CPA6: variants seen among roughly 807,000 people sequenced by gnomAD.
CPA6 encodes carboxypeptidase B.
CPA6 carries 58 observed loss-of-function variants against 63.3 expected under a neutral mutation model. That is an observed-to-expected ratio of 0.92 (90% confidence interval 0.74 to 1.14). The LOEUF (loss-of-function observed/expected upper bound fraction) is 1.14, where lower values mean the gene tolerates loss of function less well. Ranked by LOEUF, CPA6 falls within the 50% of genes most tolerant of loss-of-function variation. The pLI is 0.00. For missense variants in CPA6, 565 were observed against 526.6 expected, an observed-to-expected ratio of 1.07 and a Z score of -0.71; for synonymous variants, 185 against 179.0, an observed-to-expected ratio of 1.03 and a Z score of -0.27.
intron 8 of CPA6, among the ~76,000 whole-genome samples, chr8:67,436,212 G>A (rs1408114819): frequency 6.6e-6 from 1 of 152,132 alleles, no homozygotes; most frequent in Non-Finnish European, 1.5e-5. Flanking sequence ...CAGAGGCTGA[G>A]TGGACAGTCA....
chr8:67,542,473 T>C (rs377674283), intron 2 of CPA6, among the ~76,000 whole-genome samples: 27 of 152,322 alleles, frequency 1.8e-4, no homozygotes, highest in Admixed American at 1.0e-3. Flanking sequence ...CAGGTACTCA[T>C]GCAGGGATTG....
At chr8:67,508,735 T>C (rs1001792643) in intron 5 of CPA6, among the ~76,000 whole-genome samples, 2 of 151,926 alleles carry the variant, frequency 1.3e-5, no homozygotes, top group South Asian at 4.2e-4. Context: ...GTAGAGATGA[T>C]GATTAGAGGT....
At chr8:67,545,580 T>TTTTTTTTTTTTTTTTTG (rs750417027) in intron 2 of CPA6, among the ~76,000 whole-genome samples, 20 of 125,662 alleles carry the variant, frequency 1.6e-4, no homozygotes, top group Non-Finnish European at 3.0e-4. Flanking sequence ...TTTTTTTTTT[T>TTTTTTTTTTTTTTTTTG]TTTTGAGATG....
chr8:67,722,734 A>G (rs558853480), intron 1 of CPA6, among the ~76,000 whole-genome samples: 65 of 152,210 alleles, frequency 4.3e-4, no homozygotes, highest in African/African-American at 1.5e-3. Context: ...TTATTTCCTC[A>G]TCATGTGTTG....
chr8:67,500,162 A>G (rs1181720732), intron 6 of CPA6, among the ~76,000 whole-genome samples: 1 of 152,128 alleles, frequency 6.6e-6, no homozygotes, highest in African/African-American at 2.4e-5. Flanking sequence ...ATTTGTTGAT[A>G]TTTGTGATAT....
chr8:67,611,977 C>G (rs1349224915), intron 2 of CPA6, among the ~76,000 whole-genome samples: 1 of 152,186 alleles, frequency 6.6e-6, no homozygotes, highest in East Asian at 1.9e-4. Flanking sequence ...TTTATATTTT[C>G]TATCTTATGT....
chr8:67,714,255 G>A (rs1817332372), intron 1 of CPA6, among the ~76,000 whole-genome samples: 1 of 152,208 alleles, frequency 6.6e-6, no homozygotes, highest in South Asian at 2.1e-4. Context: ...ACTGGGGTAT[G>A]AGGGATACTC....
intron 8 of CPA6, among the ~76,000 whole-genome samples, chr8:67,435,360 T>C (rs1232142392): frequency 4.6e-5 from 7 of 151,950 alleles, no homozygotes; most frequent in African/African-American, 1.7e-4. Flanking sequence ...TTGGACTTTT[T>C]CTCGCCATCC....
chr8:67,622,965 T>A lies in CPA6; in HGVS notation c.192+1211A>T, dbSNP rs1486555057. Among the ~76,000 whole-genome samples the A allele has an allele frequency of 3.3e-5, 5 of 152,286 alleles. No individual in the cohort carries two copies. The East Asian group carries it at 7.7e-4, about 23-fold the overall frequency. ...GTAACTTTTAGGTAAAAACTAACAC[T>A]CAATTGTATGCACTGATGGAGTTAC... On this transcript the variant is annotated intron_variant, in intron 2 of 10. Transcript: ENST00000297770.
chr8:67,723,460 C>T (rs530698863), intron 1 of CPA6, among the ~76,000 whole-genome samples: 19 of 152,132 alleles, frequency 1.2e-4, no homozygotes, highest in South Asian at 2.1e-4. Flanking sequence ...AGCCACCGTG[C>T]GTGGCGGAGG....
intron 1 of CPA6, among the ~76,000 whole-genome samples, chr8:67,638,822 T>C (rs1426303858): frequency 6.6e-6 from 1 of 151,520 alleles, no homozygotes; most frequent in Non-Finnish European, 1.5e-5. Context: ...TCCTTGCAGA[T>C]GTTGTTTGTG....
intron 1 of CPA6, among the ~76,000 whole-genome samples, chr8:67,678,170 G>A (rs1459914705): frequency 2.0e-5 from 3 of 150,614 alleles, no homozygotes; most frequent in Admixed American, 6.6e-5. Context: ...AGAGGTTGCA[G>A]TAAGCAGAGA....
At chr8:67,720,148 T>C (rs1196563623) in intron 1 of CPA6, among the ~76,000 whole-genome samples, 3 of 148,350 alleles carry the variant, frequency 2.0e-5, no homozygotes, top group Non-Finnish European at 4.5e-5. Context: ...GTTTGTTCTC[T>C]GGCGGGCAGG....
chr8:67,574,397 A>T (rs1813570631), intron 2 of CPA6, among the ~76,000 whole-genome samples: 1 of 151,604 alleles, frequency 6.6e-6, no homozygotes, highest in Non-Finnish European at 1.5e-5. Flanking sequence ...AAAAAAAGCA[A>T]ATTGAACCAC....
At chr8:67,437,250 C>A (rs1013649877) in intron 8 of CPA6, among the ~76,000 whole-genome samples, 1 of 152,160 alleles carries the variant, frequency 6.6e-6, no homozygotes, top group Non-Finnish European at 1.5e-5. Context: ...AAAAAATTAG[C>A]CGGGTGTGGT....
chr8:67,719,940 T>C lies in CPA6; in HGVS notation c.116+26074A>G, dbSNP rs537336584. On this transcript the variant is annotated intron_variant, in intron 1 of 10. Transcript: ENST00000297770. ...CGTGTCCAGCAACCAACTGGACATA[T>C]GGGACTGAGTTGTGGGTAAGAAGCT... Among the ~76,000 whole-genome samples the C allele has an allele frequency of 2.2e-4, 34 of 152,278 alleles. No individual in the cohort carries two copies. In the Middle Eastern group the frequency reaches 0.014, roughly 61 times the overall value.
At chr8:67,501,359 C>T (rs768924955) in intron 6 of CPA6, among the ~76,000 whole-genome samples, 14 of 151,942 alleles carry the variant, frequency 9.2e-5, no homozygotes, top group Admixed American at 1.3e-4. Context: ...CCAGTGTCCA[C>T]GTGTTCATTG....
At chr8:67,703,917 A>G (rs543377760) in intron 1 of CPA6, among the ~76,000 whole-genome samples, 1 of 150,228 alleles carries the variant, frequency 6.7e-6, no homozygotes, top group South Asian at 2.1e-4. Flanking sequence ...GACCCCACTT[A>G]CATGCTGCTT....
intron 1 of CPA6, among the ~76,000 whole-genome samples, chr8:67,655,933 C>T (rs944962808): frequency 6.6e-6 from 1 of 151,998 alleles, no homozygotes; most frequent in African/African-American, 2.4e-5. Flanking sequence ...CTGTTTTTTC[C>T]AAGGTTACAT....
Sources: allele counts gnomAD v4.1 joint callset (sites outside exome capture counted in the v4.1 genomes callset), GRCh38; gene constraint gnomAD v4.1.1; transcripts MANE v1.5; gene names NCBI Gene and HGNC (gene_info 2026-07-23, HGNC 2026-07-21).